The following GNAO1 variants were observed in gnomAD, a reference collection of about 807,000 sequenced individuals.
GNAO1 encodes the protein G protein subunit alpha o1.
For synonymous variants in GNAO1, 164 were observed against 180.7 expected (o/e 0.91, Z 0.74); for missense variants, 166 against 478.7 (o/e 0.35, Z 6.10).
chr16:56,246,814 T>TC (rs1442886209), intron 2 of GNAO1, among the ~76,000 whole-genome samples: 1 of 152,114 alleles, frequency 6.6e-6, no homozygotes, highest in African/African-American at 2.4e-5. Context: ...TCCTCTCCCC[T>TC]CCCTGGGTGT....
intron 2 of GNAO1, among the ~76,000 whole-genome samples, chr16:56,207,453 T>C (rs923297337): frequency 1.3e-5 from 2 of 152,256 alleles, no homozygotes; most frequent in African/African-American, 4.8e-5. Context: ...TTTAAGGTGA[T>C]GTGGCCAGTA....
At chr16:56,335,447 A>G (rs1426772727) in intron 5 of GNAO1, among the ~76,000 whole-genome samples, 2 of 152,124 alleles carry the variant, frequency 1.3e-5, no homozygotes, top group Admixed American at 6.5e-5. Flanking sequence ...CTGTGTCCCC[A>G]CCTGCAGTAA....
At chr16:56,192,687 T>C in intron 2 of GNAO1, 71 bp downstream of exon 2, 1 of 886,730 alleles carries the variant, frequency 1.1e-6, no homozygotes. Context: ...ATTACATTGC[T>C]TACTCCACAT....
chr16:56,220,738 T>TG (rs1567443258), intron 2 of GNAO1, among the ~76,000 whole-genome samples: 1 of 151,340 alleles, frequency 6.6e-6, no homozygotes, highest in East Asian at 1.9e-4. Flanking sequence ...GCGTGGGTTT[T>TG]TTGTTGTTGT....
chr16:56,294,844 G>A (rs186158621), intron 3 of GNAO1, among the ~76,000 whole-genome samples: 3 of 152,182 alleles, frequency 2.0e-5, no homozygotes, highest in Non-Finnish European at 4.4e-5. Context: ...GTTTTAATCT[G>A]CCTTTCCATG....
intron 2 of GNAO1, among the ~76,000 whole-genome samples, chr16:56,228,819 T>G (rs551640778): frequency 6.6e-6 from 1 of 152,138 alleles, no homozygotes; most frequent in Non-Finnish European, 1.5e-5. Context: ...AGCATCCCAC[T>G]GTTACCGCCC....
At chr16:56,279,697 G>C (rs2037096956) in intron 3 of GNAO1, among the ~76,000 whole-genome samples, 2 of 152,166 alleles carry the variant, frequency 1.3e-5, no homozygotes, top group African/African-American at 4.8e-5. Flanking sequence ...AATTGTTTAT[G>C]CTTCTTTCCA....
intron 3 of GNAO1, among the ~76,000 whole-genome samples, chr16:56,298,129 G>A (rs748050628): frequency 6.6e-6 from 1 of 152,230 alleles, no homozygotes; most frequent in Non-Finnish European, 1.5e-5. Context: ...CCATGTTCAC[G>A]CCACTGCACT....
intron 2 of GNAO1, among the ~76,000 whole-genome samples, chr16:56,255,855 G>T (rs1342147854): frequency 6.6e-6 from 1 of 152,062 alleles, no homozygotes; most frequent in Non-Finnish European, 1.5e-5. Flanking sequence ...TTGGAGATAG[G>T]TTTTCCATTT....
chr16:56,321,189 G>T (rs2037568198), intron 3 of GNAO1, among the ~76,000 whole-genome samples: 1 of 152,208 alleles, frequency 6.6e-6, no homozygotes, highest in African/African-American at 2.4e-5. Flanking sequence ...GGGCATAATA[G>T]GACTATTTGG....
chr16:56,212,480 A>G lies in GNAO1; in HGVS notation c.161+19864A>G, dbSNP rs548006325. ...ATGACTTGCTGCTTTCAGTGGTCCCACCTCAAGCATTATTCCCCTTCTCTT... is the reference window on the plus strand; with the variant it reads ...ATGACTTGCTGCTTTCAGTGGTCCCGCCTCAAGCATTATTCCCCTTCTCTT... On this transcript the variant is annotated intron_variant, in intron 2 of 8. Coordinates refer to ENST00000262493, the MANE Select transcript of GNAO1 (RefSeq NM_020988.3). Among the ~76,000 whole-genome samples the G allele has an allele frequency of 3.9e-5, 6 of 152,284 alleles. 1 individual carries two copies. The South Asian group carries it at 1.2e-3, about 32-fold the overall frequency.
intron 2 of GNAO1, among the ~76,000 whole-genome samples, chr16:56,231,080 A>G (rs1470446406): frequency 6.6e-6 from 1 of 152,218 alleles, no homozygotes. Flanking sequence ...GGAAGAGATG[A>G]GGAGAATGAG....
rs60037687 is a variant in GNAO1, at chr16:56,192,726, G to GCA, written c.161+134_161+135dup. ...TCTCCAGGCCTGTTTTTTAATTCGTGCACACACACACACACACACACACAC... is the reference window on the plus strand; with the variant it reads ...TCTCCAGGCCTGTTTTTTAATTCGTGCACACACACACACACACACACACACAC... On this transcript the variant is annotated intron_variant, in intron 2 of 8. Coordinates refer to ENST00000262493, the MANE Select transcript of GNAO1 (RefSeq NM_020988.3). The GCA allele has an allele frequency of 0.38, 214,400 of 559,050 alleles. 20,109 individuals carry two copies. Among genetic ancestry groups the GCA allele is most frequent in the East Asian group, 0.44 (13,108 of 29,518 alleles). 34.6% of individuals were successfully genotyped at this position (559,050 alleles called of 1,614,324 possible). A position where few individuals can be genotyped will look rare whatever the true frequency, so the allele number is the denominator to read the frequency against.
chr16:56,246,162 C>T (rs2143441996), intron 2 of GNAO1, among the ~76,000 whole-genome samples: 1 of 152,298 alleles, frequency 6.6e-6, no homozygotes, highest in Non-Finnish European at 1.5e-5. Flanking sequence ...TGATGTTTCC[C>T]ATCAGTGGCT....
intron 6 of GNAO1, among the ~76,000 whole-genome samples, chr16:56,350,780 C>T (rs1192288725): frequency 6.6e-6 from 1 of 152,080 alleles, no homozygotes; most frequent in African/African-American, 2.4e-5. Context: ...GGCCCGGAGT[C>T]TCTCACCACT....
intron 2 of GNAO1, among the ~76,000 whole-genome samples, chr16:56,218,447 G>A (rs1240972737): frequency 2.0e-5 from 3 of 152,182 alleles, no homozygotes; most frequent in African/African-American, 4.8e-5. Context: ...AGGCTCGGCA[G>A]GAGAGATTTT....
intron 6 of GNAO1, chr16:56,348,195 TCCTA>T: frequency 2.0e-6 from 2 of 984,818 alleles, no homozygotes; most frequent in South Asian, 4.7e-5. Context: ...GTGCCCGCTT[TCCTA>T]GCGTGAGTGT....
intron 4 of GNAO1, among the ~76,000 whole-genome samples, chr16:56,329,660 CA>C (rs1225277454): frequency 1.3e-5 from 2 of 152,218 alleles, no homozygotes; most frequent in East Asian, 3.8e-4. Context: ...CCCACCTTTG[CA>C]ATTGCAATCT....
intron 2 of GNAO1, among the ~76,000 whole-genome samples, chr16:56,214,870 C>G (rs1264956150): frequency 1.3e-5 from 2 of 152,260 alleles, no homozygotes; most frequent in African/African-American, 4.8e-5. Context: ...CATCACCTCC[C>G]AGCCTTCCTC....
Sources: gnomAD v4.1 joint callset for allele counts (sites outside exome capture counted in the v4.1 genomes callset) on GRCh38, gnomAD v4.1.1 for gene constraint, MANE v1.5 for transcripts, NCBI Gene and HGNC (gene_info 2026-07-23, HGNC 2026-07-21) for gene names.